The following DLG2 variants were observed in gnomAD, a reference collection of about 807,000 sequenced individuals.
The protein encoded by DLG2 is disks large homolog 2.
A neutral mutation model predicts 132.5 loss-of-function variants in DLG2; 45 were observed. The ratio of observed to expected loss-of-function variants is 0.34; its 90% confidence interval spans 0.27 to 0.44. The LOEUF (loss-of-function observed/expected upper bound fraction) is 0.44, where lower values mean the gene tolerates loss of function less well. Among genes scored for constraint, DLG2 ranks in the 20% least tolerant of loss-of-function variants. DLG2 has a pLI of 1.00. For synonymous variants in DLG2, 424 were observed against 419.6 expected (o/e 1.01, Z -0.13); for missense variants, 1,045 against 1,196.9 (o/e 0.87, Z 1.87).
chr11:84,507,420 A>G (rs2099244523), intron 7 of DLG2, among the ~76,000 whole-genome samples: 1 of 152,196 alleles, frequency 6.6e-6, no homozygotes, highest in Admixed American at 6.5e-5. Context: ...AACTTATTAA[A>G]CAGTTTAACA....
intron 6 of DLG2, among the ~76,000 whole-genome samples, chr11:84,878,829 A>T (rs1017564285): frequency 1.3e-5 from 2 of 152,152 alleles, no homozygotes; most frequent in Admixed American, 6.6e-5. Context: ...GACAAGGATA[A>T]TTCAGTTTTT....
In DLG2 at chr11:85,064,601, G is replaced by A. The variant is rs143840768; in HGVS notation, c.357+47060C>T. ...AGTGAAAATTGATTATGTAGGAAAG[G>A]GGTGCGATAGTTAGTTTTATCTCAA... On this transcript the variant is annotated intron_variant, in intron 6 of 27. Coordinates refer to ENST00000376104, the MANE Select transcript of DLG2 (RefSeq NM_001142699.3). Among the ~76,000 whole-genome samples the A allele has an allele frequency of 1.0e-3, 159 of 151,832 alleles. 3 individuals carry two copies. In the East Asian group the frequency reaches 0.03, roughly 28 times the overall value.
chr11:83,845,536 A>G (rs139242105), intron 16 of DLG2, among the ~76,000 whole-genome samples: 1 of 152,356 alleles, frequency 6.6e-6, no homozygotes, highest in African/African-American at 2.4e-5. Context: ...TTGAACTGCT[A>G]TTTGAGGACA....
intron 6 of DLG2, among the ~76,000 whole-genome samples, chr11:84,959,272 C>G (rs1437611393): frequency 6.6e-6 from 1 of 152,076 alleles, no homozygotes; most frequent in Non-Finnish European, 1.5e-5. Context: ...TCTAAAAATG[C>G]TATATAACAT....
At chr11:83,592,319 A>G (rs2097202128) in intron 19 of DLG2, among the ~76,000 whole-genome samples, 1 of 147,802 alleles carries the variant, frequency 6.8e-6, no homozygotes. Context: ...AACAGAACAG[A>G]GCCCTGAGAA....
chr11:84,041,288 A>C lies in DLG2; in HGVS notation c.919+18027T>G, dbSNP rs963286756. On this transcript the variant is annotated intron_variant, in intron 11 of 27. Transcript: ENST00000376104. ...TGCCATTTCACTCATAGGCAGGTAC[A>C]TATATAGGATAAATTCCTAGAAGTA... Among the ~76,000 whole-genome samples the C allele has an allele frequency of 3.3e-5, 5 of 152,018 alleles. No homozygotes were observed. In the South Asian group the frequency reaches 1.0e-3, roughly 31 times the overall value.
chr11:84,587,746 T>G (rs2099533137), intron 6 of DLG2, among the ~76,000 whole-genome samples: 1 of 152,182 alleles, frequency 6.6e-6, no homozygotes, highest in African/African-American at 2.4e-5. Flanking sequence ...TAGCTTTCAC[T>G]CCTATGAATC....
At chr11:85,485,207 T>G (rs1239999922) in intron 3 of DLG2, among the ~76,000 whole-genome samples, 29 of 147,876 alleles carry the variant, frequency 2.0e-4, no homozygotes, top group African/African-American at 5.1e-4. Context: ...TGTTGTGGGG[T>G]GGGGAGAGGG....
chr11:84,200,666 C>T (rs2096580145), intron 8 of DLG2, among the ~76,000 whole-genome samples: 1 of 152,126 alleles, frequency 6.6e-6, no homozygotes, highest in Non-Finnish European at 1.5e-5. Context: ...CCTTCACTTC[C>T]CTTGCTAGCT....
intron 6 of DLG2, among the ~76,000 whole-genome samples, chr11:84,706,241 A>G (rs961830632): frequency 1.3e-5 from 2 of 151,872 alleles, no homozygotes; most frequent in African/African-American, 4.8e-5. Context: ...GGCAATAAGT[A>G]GAATATTTAT....
At chr11:83,934,354 T>A (rs1445639394) in intron 14 of DLG2, among the ~76,000 whole-genome samples, 2 of 152,202 alleles carry the variant, frequency 1.3e-5, no homozygotes, top group Non-Finnish European at 2.9e-5. Context: ...TCTTTAAAAG[T>A]TTGATATTTT....
chr11:84,020,627 A>C (rs962664330), intron 11 of DLG2, among the ~76,000 whole-genome samples: 5 of 152,196 alleles, frequency 3.3e-5, no homozygotes, highest in African/African-American at 1.2e-4. Context: ...AATGTTTTGA[A>C]GTCATAAGAG....
chr11:83,960,431 C>G (rs2088302645), intron 14 of DLG2, among the ~76,000 whole-genome samples: 1 of 151,894 alleles, frequency 6.6e-6, no homozygotes, highest in Admixed American at 6.6e-5. Flanking sequence ...TGAAGACTAA[C>G]AAAAAGTTGC....
intron 3 of DLG2, among the ~76,000 whole-genome samples, chr11:85,386,371 A>G (rs1013314933): frequency 1.3e-5 from 2 of 152,184 alleles, no homozygotes; most frequent in Admixed American, 1.3e-4. Flanking sequence ...TTCACAATTA[A>G]TAAGTGACAG....
At chr11:84,480,845 T>G (rs955867170) in intron 7 of DLG2, among the ~76,000 whole-genome samples, 1 of 151,746 alleles carries the variant, frequency 6.6e-6, no homozygotes, top group Non-Finnish European at 1.5e-5. Flanking sequence ...TTCAAGCGAT[T>G]CTCCTGTCTC....
intron 6 of DLG2, among the ~76,000 whole-genome samples, chr11:84,607,159 T>G (rs1280462664): frequency 6.6e-6 from 1 of 152,128 alleles, no homozygotes; most frequent in Non-Finnish European, 1.5e-5. Context: ...AGTGAGTCAC[T>G]GGAATGTCTT....
rs368230549 is a variant in DLG2 at position 84,842,870 on chromosome 11, C to T, written c.357+268791G>A. 4.6e-5 allele frequency among the ~76,000 whole-genome samples: 7 copies of T among 151,986 alleles called. No homozygotes were observed. The East Asian group carries it at 9.7e-4, about 21-fold the overall frequency. ...GACTCTTTCTTGGTATATTTTACCA[C>T]CACCATTTCTATCCCAAACCCCAAC... On this transcript the variant is annotated intron_variant, in intron 6 of 27. Transcript: ENST00000376104.
At chr11:83,465,947 T>C (rs2090945954) in intron 26 of DLG2, among the ~76,000 whole-genome samples, 1 of 152,200 alleles carries the variant, frequency 6.6e-6, no homozygotes. Context: ...CCTTTGTGAA[T>C]GGGAGTTGCC....
At position 83,578,073 on chromosome 11, in the gene DLG2, T is replaced by TACACACACAC. The variant is rs554190947; in HGVS notation, c.1941-36216_1941-36215insGTGTGTGTGT. ...GTGTGTGTGTATACATATATATATG[T>TACACACACAC]ATACACACACACACACACTGTATCA... On this transcript the variant is annotated intron_variant, in intron 19 of 27. Coordinates refer to ENST00000376104, the MANE Select transcript of DLG2 (RefSeq NM_001142699.3). Among the ~76,000 whole-genome samples, 169 of 88,192 alleles carry TACACACACAC rather than the reference T, an allele frequency of 1.9e-3. 2 individuals are homozygous for TACACACACAC. Among genetic ancestry groups the TACACACACAC allele is most frequent in the African/African-American group, 7.2e-3 (160 of 22,322 alleles). The allele number at this position is 88,192 out of a possible 152,430, so 57.9% of individuals were successfully genotyped here.
Sources: gnomAD v4.1 joint callset for allele counts (sites outside exome capture counted in the v4.1 genomes callset) on GRCh38, gnomAD v4.1.1 for gene constraint, MANE v1.5 for transcripts, NCBI Gene and HGNC (gene_info 2026-07-23, HGNC 2026-07-21) for gene names.